The following FER variants were observed in gnomAD, a reference collection of about 807,000 sequenced individuals.
FER encodes FER tyrosine kinase.
FER carries 63 observed loss-of-function variants against 111.0 expected under a neutral mutation model. The observed-to-expected ratio is 0.57, with a 90% CI of 0.46 to 0.70. The LOEUF is 0.70. FER is among the 30% of genes least tolerant of loss of function. FER has a pLI of 0.00. For synonymous variants in FER, 327 were observed against 313.9 expected (o/e 1.04, Z -0.44); for missense variants, 914 against 954.0 (o/e 0.96, Z 0.55).
intron 17 of FER, among the ~76,000 whole-genome samples, chr5:109,169,369 G>T (rs1434773870): frequency 6.6e-6 from 1 of 152,020 alleles, no homozygotes; most frequent in African/African-American, 2.4e-5. Flanking sequence ...AGATAAAAAT[G>T]AATTATTATA....
Position 108,785,302 on chromosome 5 carries a change from G to A in FER, c.-59-12822G>A, listed in dbSNP as rs116675110. The A allele has an allele frequency of 8.6e-4, 474 of 549,310 alleles. 5 individuals are homozygous for A. Among genetic ancestry groups the A allele is most frequent in the African/African-American group, 8.6e-3 (453 of 52,530 alleles). The allele number at this position is 549,310 out of a possible 1,614,324, so 34.0% of individuals were successfully genotyped here. On this transcript the variant is annotated intron_variant, in intron 2 of 19. Transcript: ENST00000281092. ...AACACCTTTATATGCCAGATGGTGGGGGCATTATCAACACCCTGTGCTTCA... is the reference window on the plus strand; with the variant it reads ...AACACCTTTATATGCCAGATGGTGGAGGCATTATCAACACCCTGTGCTTCA...
intron 3 of FER, among the ~76,000 whole-genome samples, chr5:108,814,053 T>C (rs1165375800): frequency 6.6e-6 from 1 of 152,048 alleles, no homozygotes; most frequent in Admixed American, 6.6e-5. Context: ...AATATATTTA[T>C]TCTTTCCTCT....
At position 108,798,187 on chromosome 5, in the gene FER, G is replaced by A; in HGVS notation, c.5G>A (p.Gly2Glu). 1 of 1,613,930 alleles carries A rather than the reference G, an allele frequency of 6.2e-7. No individual in the cohort carries two copies. Reference sequence around the variant, plus strand: ...GGATAACCAGTGCCTTACAAAATGGGGTTTGGGAGTGACCTGAAGAATTCA... The same window carrying A: ...GGATAACCAGTGCCTTACAAAATGGAGTTTGGGAGTGACCTGAAGAATTCA... Reference protein sequence around the residue: MGFGSDLKNSHE... With the variant: MEFGSDLKNSHE... The change falls in exon 3 of 20, where the codon GGG becomes GAG. Residue 2 changes from glycine (G) to glutamate (E), a missense_variant. Physicochemically the swap from Gly to Glu is moderately conservative, Grantham distance 98 (BLOSUM62 -2). Coordinates refer to ENST00000281092, the MANE Select transcript of FER (RefSeq NM_005246.4).
intron 1 of FER, among the ~76,000 whole-genome samples, chr5:108,760,274 C>G (rs1751583966): frequency 6.6e-6 from 1 of 151,192 alleles, no homozygotes; most frequent in Non-Finnish European, 1.5e-5. Context: ...TCCTATAGCA[C>G]AAGCAGAGTA....
chr5:108,944,108 TAC>T (rs34138754), intron 10 of FER, among the ~76,000 whole-genome samples: 2,625 of 145,010 alleles, frequency 0.018, 18 homozygotes, highest in South Asian at 0.052. Flanking sequence ...TGTGTATGTG[TAC>T]ACACACACAC....
At chr5:109,159,272 G>T (rs1018518153) in intron 17 of FER, among the ~76,000 whole-genome samples, 2 of 152,060 alleles carry the variant, frequency 1.3e-5, no homozygotes, top group Non-Finnish European at 2.9e-5. Flanking sequence ...CTTTCAAGCG[G>T]CTCAACTTAG....
chr5:108,822,283 T>C (rs1029759788), intron 3 of FER, among the ~76,000 whole-genome samples: 2 of 152,224 alleles, frequency 1.3e-5, no homozygotes, highest in Non-Finnish European at 2.9e-5. Context: ...TTGAGGGTTG[T>C]TCCTATATCT....
intron 17 of FER, among the ~76,000 whole-genome samples, chr5:109,129,342 C>T (rs568666430): frequency 6.6e-6 from 1 of 151,998 alleles, no homozygotes; most frequent in African/African-American, 2.4e-5. Context: ...TCTTAATTTT[C>T]CCATTAATTA....
At chr5:108,873,026 A>T (rs1764751285) in intron 8 of FER, among the ~76,000 whole-genome samples, 1 of 152,106 alleles carries the variant, frequency 6.6e-6, no homozygotes. Flanking sequence ...TAATATAATT[A>T]AACAATCTTC....
intron 10 of FER, among the ~76,000 whole-genome samples, chr5:108,906,151 G>A (rs750791693): frequency 6.6e-6 from 1 of 152,138 alleles, no homozygotes; most frequent in Non-Finnish European, 1.5e-5. Flanking sequence ...TTTGTTGCAG[G>A]AATAGTTAAG....
intron 13 of FER, among the ~76,000 whole-genome samples, chr5:109,008,589 T>C (rs1317069886): frequency 6.6e-6 from 1 of 152,194 alleles, no homozygotes; most frequent in East Asian, 1.9e-4. Flanking sequence ...TCTTCTCACC[T>C]TCCCTAGGCC....
chr5:108,945,293 C>T (rs911071977), intron 10 of FER, among the ~76,000 whole-genome samples: 1 of 152,030 alleles, frequency 6.6e-6, no homozygotes, highest in Non-Finnish European at 1.5e-5. Flanking sequence ...CCAATACTTC[C>T]ATTACAAAAC....
intron 2 of FER, among the ~76,000 whole-genome samples, chr5:108,796,507 T>G (rs2150040112): frequency 6.6e-6 from 1 of 152,312 alleles, no homozygotes; most frequent in Non-Finnish European, 1.5e-5. Flanking sequence ...ATGCTGTCTG[T>G]TAGCCAAGGA....
intron 8 of FER, among the ~76,000 whole-genome samples, chr5:108,879,870 C>T (rs749548804): frequency 1.5e-4 from 23 of 151,232 alleles, no homozygotes; most frequent in Admixed American, 4.0e-4. Flanking sequence ...CCACCACACC[C>T]AGCTAATTTT....
At chr5:109,140,076 A>C (rs1332318009) in intron 17 of FER, among the ~76,000 whole-genome samples, 3 of 152,380 alleles carry the variant, frequency 2.0e-5, no homozygotes, top group African/African-American at 7.2e-5. Context: ...GAAATATTAC[A>C]GTGAACAAAG....
In FER at chr5:108,938,036, A is replaced by T. The variant is rs935314606; in HGVS notation, c.1237-8094A>T. Among the ~76,000 whole-genome samples, 177 of 80,428 alleles carry T rather than the reference A, an allele frequency of 2.2e-3. 1 individual carries two copies. Among genetic ancestry groups the T allele is most frequent in the African/African-American group, 5.5e-3 (145 of 26,138 alleles). 52.8% of individuals were successfully genotyped at this position (80,428 alleles called of 152,430 possible). On this transcript the variant is annotated intron_variant, in intron 10 of 19. Transcript: ENST00000281092. ...TTCCCTATCTCTCTCTCACACACAC[A>T]CACACACACACACACACACACACAC... is the stretch of plus-strand genomic sequence containing the variant.
chr5:109,096,623 C>T (rs1747558381), intron 16 of FER, among the ~76,000 whole-genome samples: 1 of 151,710 alleles, frequency 6.6e-6, no homozygotes, highest in Non-Finnish European at 1.5e-5. Context: ...TAGTTTCTTT[C>T]ACTCTTCAAG....
chr5:108,882,299 T>A lies in FER; in HGVS notation c.924-1097T>A, dbSNP rs564563531. On this transcript the variant is annotated intron_variant, in intron 8 of 19. Transcript: ENST00000281092. ...TATAATTGTTTCCATTAAAAAAAAA[T>A]AATATTGCTATTACTGGATATTCCA... Among the ~76,000 whole-genome samples the A allele has an allele frequency of 7.7e-4, 117 of 152,162 alleles. 1 individual carries two copies. Among genetic ancestry groups the A allele is most frequent in the Admixed American group, 4.4e-3 (67 of 15,264 alleles).
intron 13 of FER, among the ~76,000 whole-genome samples, chr5:108,983,735 G>GA (rs1762251647): frequency 6.6e-6 from 1 of 152,134 alleles, no homozygotes; most frequent in South Asian, 2.1e-4. Flanking sequence ...TCATAGAGGA[G>GA]CAAGAGACAT....
Sources: allele counts gnomAD v4.1 joint callset (sites outside exome capture counted in the v4.1 genomes callset), GRCh38; gene constraint gnomAD v4.1.1; transcripts MANE v1.5; gene names NCBI Gene and HGNC (gene_info 2026-07-23, HGNC 2026-07-21).